The following PALD1 variants were observed in gnomAD, a reference collection of about 807,000 sequenced individuals.
PALD1 encodes the protein paladin.
In PALD1, 57 loss-of-function variants were observed where a neutral mutation model predicts 96.0. The observed-to-expected ratio is 0.59, with a 90% confidence interval of 0.48 to 0.74. The LOEUF (loss-of-function observed/expected upper bound fraction) is 0.74. Ranked by LOEUF, PALD1 falls within the 30% of genes least tolerant of loss-of-function variation. The probability of loss-of-function intolerance (pLI) is 0.00; values close to 1 mark genes in which losing one functional copy is unlikely to be tolerated. For missense variants in PALD1, 1,063 were observed against 1,143.7 expected (o/e 0.93, Z 1.02); for synonymous variants, 464 against 473.6 (o/e 0.98, Z 0.26).
chr10:70,479,923 G>T (rs1845899774), intron 1 of PALD1, among the ~76,000 whole-genome samples: 1 of 152,210 alleles, frequency 6.6e-6, no homozygotes, highest in Non-Finnish European at 1.5e-5. Flanking sequence ...GGGCAAGACA[G>T]GACATAAACA....
At chr10:70,514,801 C>T (rs774689632) in intron 1 of PALD1, among the ~76,000 whole-genome samples, 17 of 152,010 alleles carry the variant, frequency 1.1e-4, no homozygotes, top group Non-Finnish European at 2.4e-4. Flanking sequence ...GTTAAGGACA[C>T]GGGGCCGGAG....
intron 1 of PALD1, among the ~76,000 whole-genome samples, chr10:70,506,492 G>A (rs568582698): frequency 6.6e-6 from 1 of 152,324 alleles, no homozygotes; most frequent in African/African-American, 2.4e-5. Context: ...GCTGAGCACA[G>A]TGCCTGGCAC....
intron 6 of PALD1, 55 bp downstream of exon 6, chr10:70,532,836 A>T (rs1453450109): frequency 6.3e-7 from 1 of 1,590,200 alleles, no homozygotes; most frequent in African/African-American, 1.3e-5. Flanking sequence ...CCTGCTCTCC[A>T]GCTGCAGCCT....
chr10:70,487,790 TA>T (rs1340229494), intron 1 of PALD1, among the ~76,000 whole-genome samples: 2 of 152,130 alleles, frequency 1.3e-5, no homozygotes, highest in African/African-American at 2.4e-5. Flanking sequence ...TGAATGTCGG[TA>T]AAAGTCCTGG....
chr10:70,512,824 C>T (rs531758042), intron 1 of PALD1, among the ~76,000 whole-genome samples: 4 of 152,218 alleles, frequency 2.6e-5, no homozygotes, highest in African/African-American at 4.8e-5. Context: ...CTGCAGGGAT[C>T]CCTGCCCAAG....
At chr10:70,517,164 C>T (rs957981455) in intron 1 of PALD1, among the ~76,000 whole-genome samples, 16 of 152,102 alleles carry the variant, frequency 1.1e-4, no homozygotes, top group African/African-American at 3.9e-4. Context: ...ACAGAAGTGG[C>T]AGCAGAGGTC....
chr10:70,566,460 A>G (rs1023782323), intron 19 of PALD1, 121 bp from the exon 20 acceptor site: 4 of 700,296 alleles, frequency 5.7e-6, no homozygotes, highest in Non-Finnish European at 9.8e-6. Context: ...AACAGAAGTC[A>G]AGGTGCAAAC....
chr10:70,492,098 C>T (rs879664389), intron 1 of PALD1, among the ~76,000 whole-genome samples: 2 of 152,076 alleles, frequency 1.3e-5, no homozygotes, highest in African/African-American at 2.4e-5. Context: ...GTTTTTTATT[C>T]TCTTGGGTAT....
At chr10:70,518,035 C>G (rs1305151818) in intron 1 of PALD1, among the ~76,000 whole-genome samples, 1 of 152,110 alleles carries the variant, frequency 6.6e-6, no homozygotes, top group Non-Finnish European at 1.5e-5. Context: ...TCCCGAGTAA[C>G]TGGGATTACA....
chr10:70,467,979 C>T, the PALD1 span, among the ~76,000 whole-genome samples: 3 of 152,142 alleles, frequency 2.0e-5, no homozygotes, highest in Admixed American at 1.3e-4. Context: ...CCCCCATTGA[C>T]GGGGTCTGAG....
rs186070898 is a variant in PALD1, at chr10:70,489,840, C to G, written c.-30+10781C>G. Among the ~76,000 whole-genome samples the G allele has an allele frequency of 4.6e-3, 696 of 152,298 alleles. 26 individuals are homozygous for G. The highest frequency in any genetic ancestry group is 9.4e-4 in the Non-Finnish European group (64 of 68,024). On this transcript the variant is annotated intron_variant, in intron 1 of 19. Coordinates refer to ENST00000263563, the MANE Select transcript of PALD1 (RefSeq NM_014431.3). ...CCCACCCCCAGCCCGCTAGCATGCT[C>G]TGTATCTCTATAGATTTGCTAATTC...
At chr10:70,516,013 G>C (rs1846613068) in intron 1 of PALD1, among the ~76,000 whole-genome samples, 1 of 152,210 alleles carries the variant, frequency 6.6e-6, no homozygotes, top group Admixed American at 6.5e-5. Context: ...CCTGCCACAG[G>C]CACTGGGCTC....
rs946279625 is a variant in PALD1, at chr10:70,532,523, C to A, written c.634-98C>A. On this transcript the variant is annotated intron_variant, in intron 5 of 19. Coordinates refer to ENST00000263563, the MANE Select transcript of PALD1 (RefSeq NM_014431.3). ...ATGGGGGGCAGAAGCCTGCCTGTGG[C>A]CTCTGCATGGTCTGGTCACTCCAGA... 14 of 1,228,520 alleles carry A rather than the reference C, an allele frequency of 1.1e-5. No individual in the cohort carries two copies. In the African/African-American group the frequency reaches 2.0e-4, roughly 17 times the overall value. The allele number at this position is 1,228,520 out of a possible 1,614,324, so 76.1% of individuals were successfully genotyped here.
chr10:70,495,167 C>T (rs1181011241), intron 1 of PALD1, among the ~76,000 whole-genome samples: 14 of 152,264 alleles, frequency 9.2e-5, no homozygotes, highest in East Asian at 1.9e-4. Context: ...TGTCTTCACA[C>T]GGCCGGGGCC....
At chr10:70,536,061 G>C (rs1265550517) in intron 10 of PALD1, among the ~76,000 whole-genome samples, 1 of 152,190 alleles carries the variant, frequency 6.6e-6, no homozygotes, top group Non-Finnish European at 1.5e-5. Context: ...CTTGAAATCA[G>C]GAGTTTGAGA....
intron 18 of PALD1, among the ~76,000 whole-genome samples, chr10:70,548,230 G>A (rs1353267699): frequency 3.9e-5 from 6 of 152,078 alleles, no homozygotes; most frequent in African/African-American, 1.2e-4. Context: ...GCTTGAACCC[G>A]GGAGGCGGAG....
chr10:70,526,206 C>A, intron 2 of PALD1, 70 bp downstream of exon 2: 1 of 1,252,660 alleles, frequency 8.0e-7, no homozygotes, highest in Non-Finnish European at 1.2e-6. Context: ...CTTGGGGGTG[C>A]AGTGGCATAC....
upstream of PALD1, among the ~76,000 whole-genome samples, chr10:70,478,587 C>T (rs1326708454): frequency 6.6e-6 from 1 of 151,790 alleles, no homozygotes; most frequent in Non-Finnish European, 1.5e-5. Context: ...GGAGGGTGGG[C>T]GGGCGGAGGG....
chr10:70,558,661 G>A (rs868174600), intron 18 of PALD1, among the ~76,000 whole-genome samples: 1 of 151,418 alleles, frequency 6.6e-6, no homozygotes, highest in African/African-American at 2.4e-5. Context: ...GGTATTACAC[G>A]GGGAGTAAGA....
Sources: gnomAD v4.1 joint callset for allele counts (sites outside exome capture counted in the v4.1 genomes callset) on GRCh38, gnomAD v4.1.1 for gene constraint, MANE v1.5 for transcripts, NCBI Gene and HGNC (gene_info 2026-07-23, HGNC 2026-07-21) for gene names.